The following SV2C variants were observed in gnomAD, a reference collection of about 807,000 sequenced individuals.
The protein encoded by SV2C is solute carrier family 22 member B3.
In SV2C, 49 loss-of-function variants were observed where a neutral mutation model predicts 79.7. That is an observed-to-expected ratio of 0.61 (90% CI 0.49 to 0.78). The LOEUF is 0.78. Among genes scored for constraint, SV2C ranks in the 30% least tolerant of loss-of-function variants. The pLI is 0.00. For missense variants in SV2C, 833 were observed against 912.9 expected, an observed-to-expected ratio of 0.91 and a Z score of 1.13; for synonymous variants, 334 against 333.2, an observed-to-expected ratio of 1.00 and a Z score of -0.03.
chr5:75,874,845 A>T, the SV2C span, among the ~76,000 whole-genome samples: 1 of 152,146 alleles, frequency 6.6e-6, no homozygotes, highest in South Asian at 2.1e-4. Context: ...GAATACAGCT[A>T]ACCAGGAAGG....
intron 2 of SV2C, among the ~76,000 whole-genome samples, chr5:76,183,236 G>T (rs1743808773): frequency 6.6e-6 from 1 of 151,526 alleles, no homozygotes; most frequent in South Asian, 2.1e-4. Context: ...TGTTGGCCAG[G>T]CTGGTCTCAA....
chr5:75,906,280 A>G, the SV2C span, among the ~76,000 whole-genome samples: 2 of 152,112 alleles, frequency 1.3e-5, no homozygotes, highest in Non-Finnish European at 2.9e-5. Flanking sequence ...AAGCCACTCG[A>G]TTGGTGATAA....
At chr5:76,223,696 A>G (rs141775200) in intron 4 of SV2C, among the ~76,000 whole-genome samples, 2,770 of 151,386 alleles carry the variant, frequency 0.018, 150 homozygotes, top group Admixed American at 0.11. Context: ...GTCACCCCCA[A>G]CCCCTTATTA....
the SV2C span, among the ~76,000 whole-genome samples, chr5:75,853,293 A>G: frequency 6.6e-6 from 1 of 152,044 alleles, no homozygotes; most frequent in South Asian, 2.1e-4. Context: ...GCGGTGGCTC[A>G]CGCCTGTAAT....
intron 2 of SV2C, among the ~76,000 whole-genome samples, chr5:76,185,833 A>G (rs563469427): frequency 3.9e-5 from 6 of 152,322 alleles, no homozygotes; most frequent in African/African-American, 1.4e-4. Context: ...CATTGAATTC[A>G]GCTCCTGTTA....
the SV2C span, among the ~76,000 whole-genome samples, chr5:76,037,060 T>C: frequency 4.6e-5 from 7 of 152,222 alleles, no homozygotes; most frequent in Non-Finnish European, 1.0e-4. Flanking sequence ...TTCTGCATTC[T>C]TCATGTAGTT....
intron 4 of SV2C, among the ~76,000 whole-genome samples, chr5:76,231,324 C>G (rs868382571): frequency 6.6e-6 from 1 of 152,154 alleles, no homozygotes; most frequent in Admixed American, 6.5e-5. Context: ...GTTACAATAT[C>G]ACACTGTACC....
At chr5:75,966,600 A>G in the SV2C span, among the ~76,000 whole-genome samples, 1 of 152,200 alleles carries the variant, frequency 6.6e-6, no homozygotes, top group African/African-American at 2.4e-5. Context: ...TTTCTGAATA[A>G]TCTGTACCTT....
upstream of SV2C, among the ~76,000 whole-genome samples, chr5:76,082,655 G>A (rs1297587485): frequency 8.1e-6 from 1 of 122,978 alleles, no homozygotes; most frequent in Non-Finnish European, 1.6e-5. Flanking sequence ...CTCATATTTG[G>A]TTGTTTCCCC....
chr5:76,030,266 G>GTTTTTTTT, the SV2C span, among the ~76,000 whole-genome samples: 60 of 31,964 alleles, frequency 1.9e-3, no homozygotes, highest in Non-Finnish European at 2.4e-3. Flanking sequence ...TCAGAGGCTT[G>GTTTTTTTT]TTTTTTTTTT....
chr5:76,352,528 A>C (rs1749661428), intron 12 of SV2C, among the ~76,000 whole-genome samples: 1 of 152,148 alleles, frequency 6.6e-6, no homozygotes, highest in African/African-American at 2.4e-5. Context: ...TCTCTCTTGG[A>C]CTTTCTTGCT....
chr5:76,294,731 G>C (rs1747685344), intron 8 of SV2C, among the ~76,000 whole-genome samples: 1 of 152,158 alleles, frequency 6.6e-6, no homozygotes, highest in South Asian at 2.1e-4. Flanking sequence ...CTGCCTGGTA[G>C]GCACACGTGG....
chr5:76,073,501 GTGTATATATATATATATATATATA>G, the SV2C span, among the ~76,000 whole-genome samples: 9 of 87,230 alleles, frequency 1.0e-4, no homozygotes, highest in African/African-American at 3.7e-4. Context: ...ATGTATGTGT[GTGTATATATATATATATATATATA>G]TATATATATA....
the SV2C span, among the ~76,000 whole-genome samples, chr5:76,048,955 G>A: frequency 1.7e-3 from 216 of 125,158 alleles, 6 homozygotes; most frequent in African/African-American, 4.8e-3. Flanking sequence ...GAAAGAGAGA[G>A]AAAGAAAAAG....
At chr5:75,851,914 T>C in the SV2C span, among the ~76,000 whole-genome samples, 14,251 of 152,236 alleles carry the variant, frequency 0.094, 1,628 homozygotes, top group African/African-American at 0.27. Flanking sequence ...CCATCCTCCT[T>C]GGCCTCCCAG....
chr5:75,945,882 A>G, the SV2C span, among the ~76,000 whole-genome samples: 3 of 152,082 alleles, frequency 2.0e-5, no homozygotes, highest in Non-Finnish European at 4.4e-5. Context: ...TGAATAAAGC[A>G]AAAAAGAAAA....
chr5:76,187,750 C>CA (rs5868811), intron 2 of SV2C, among the ~76,000 whole-genome samples: 151 of 144,490 alleles, frequency 1.0e-3, no homozygotes, highest in Middle Eastern at 7.1e-3. Context: ...TTTCAAATTG[C>CA]AAAAAAAAAA....
At chr5:76,030,273 T>TGTTTTG in the SV2C span, among the ~76,000 whole-genome samples, 5 of 103,008 alleles carry the variant, frequency 4.9e-5, no homozygotes, top group African/African-American at 2.7e-4. Context: ...CTTGTTTTTT[T>TGTTTTG]TTTTTTTTTT....
the SV2C span, among the ~76,000 whole-genome samples, chr5:75,957,511 C>G: frequency 3.9e-5 from 6 of 151,950 alleles, no homozygotes; most frequent in African/African-American, 1.2e-4. Flanking sequence ...AGGAAGGATC[C>G]CCTTGAATGG....
Sources: allele counts gnomAD v4.1 joint callset (sites outside exome capture counted in the v4.1 genomes callset), GRCh38; gene constraint gnomAD v4.1.1; transcripts MANE v1.5; gene names NCBI Gene and HGNC (gene_info 2026-07-23, HGNC 2026-07-21).